Variants in EEF1AKMT1 observed in about 807,000 individuals in gnomAD.
EEF1AKMT1 encodes N-6 adenine-specific DNA methyltransferase 2 (putative).
EEF1AKMT1 carries 18 observed loss-of-function variants against 21.0 expected under a neutral mutation model. The ratio of observed to expected loss-of-function variants is 0.86; its 90% CI spans 0.59 to 1.27. The LOEUF (loss-of-function observed/expected upper bound fraction) is 1.27, where lower values mean the gene tolerates loss of function less well. Ranked by LOEUF, EEF1AKMT1 falls within the 50% of genes most tolerant of loss-of-function variation. The pLI is 0.00. For missense variants in EEF1AKMT1, 246 were observed against 258.6 expected, an observed-to-expected ratio of 0.95 and a Z score of 0.33; for synonymous variants, 109 against 94.8, an observed-to-expected ratio of 1.15 and a Z score of -0.87.
chr13:20,731,115 A>T (rs112371309), intron 4 of EEF1AKMT1, among the ~76,000 whole-genome samples: 5,621 of 152,286 alleles, frequency 0.037, 370 homozygotes, highest in African/African-American at 0.13. Context: ...GAAGGAAGAA[A>T]CTGCAGACAC....
intron 2 of EEF1AKMT1, among the ~76,000 whole-genome samples, chr13:20,749,125 G>C (rs1456232457): frequency 2.6e-5 from 4 of 152,152 alleles, no homozygotes; most frequent in African/African-American, 9.7e-5. Context: ...TTTCCTTTCA[G>C]TAGAATTCCT....
intron 2 of EEF1AKMT1, among the ~76,000 whole-genome samples, chr13:20,741,456 C>CTTTTTTT (rs562645355): frequency 8.9e-6 from 1 of 112,206 alleles, no homozygotes; most frequent in African/African-American, 3.4e-5. Flanking sequence ...ATTGTAATTA[C>CTTTTTTT]TTTTTTTTTT....
intron 3 of EEF1AKMT1, among the ~76,000 whole-genome samples, chr13:20,732,323 A>G (rs1297567890): frequency 6.6e-6 from 1 of 152,164 alleles, no homozygotes; most frequent in Non-Finnish European, 1.5e-5. Context: ...AAAAGTCTGT[A>G]ACTTATAATT....
chr13:20,731,817 T>C, intron 4 of EEF1AKMT1, 24 bp downstream of exon 4: 1 of 1,590,198 alleles, frequency 6.3e-7, no homozygotes, highest in African/African-American at 1.3e-5. Context: ...GTGACTTTGA[T>C]GAGATATGAA....
chr13:20,772,239 T>A (rs1467471567), intron 1 of EEF1AKMT1, among the ~76,000 whole-genome samples: 2 of 151,984 alleles, frequency 1.3e-5, no homozygotes, highest in South Asian at 2.1e-4. Flanking sequence ...GTAAAAAAAA[T>A]TTTTTTCTTT....
intron 3 of EEF1AKMT1, among the ~76,000 whole-genome samples, chr13:20,732,450 C>T (rs1032704359): frequency 4.6e-5 from 7 of 152,124 alleles, no homozygotes. Flanking sequence ...TCCTGCTATT[C>T]CTCCCAAGTA....
chr13:20,757,692 T>C, intron 1 of EEF1AKMT1, 75 bp from the exon 2 acceptor site: 1 of 1,212,280 alleles, frequency 8.2e-7, no homozygotes, highest in Non-Finnish European at 1.1e-6. Context: ...TTAAAAATTT[T>C]TATTTAACAG....
chr13:20,729,719 G>C (rs2058781145), intron 4 of EEF1AKMT1, among the ~76,000 whole-genome samples: 1 of 152,112 alleles, frequency 6.6e-6, no homozygotes, highest in Non-Finnish European at 1.5e-5. Flanking sequence ...CCCCACAGGA[G>C]GTGGCATCCA....
chr13:20,770,034 G>A (rs1011979224), intron 1 of EEF1AKMT1, among the ~76,000 whole-genome samples: 1 of 152,118 alleles, frequency 6.6e-6, no homozygotes, highest in African/African-American at 2.4e-5. Flanking sequence ...ACTAACTAGA[G>A]GAATTAAAAG....
At chr13:20,751,947 G>C (rs1296704458) in intron 2 of EEF1AKMT1, among the ~76,000 whole-genome samples, 1 of 151,994 alleles carries the variant, frequency 6.6e-6, no homozygotes, top group East Asian at 1.9e-4. Context: ...TTCTCAGCTA[G>C]TTCATTACTG....
At chr13:20,773,248 C>A (rs1366130354) in intron 1 of EEF1AKMT1, among the ~76,000 whole-genome samples, 1 of 152,236 alleles carries the variant, frequency 6.6e-6, no homozygotes, top group Non-Finnish European at 1.5e-5. Context: ...GATGTACGCC[C>A]CATGTAACCA....
At chr13:20,738,095 A>AC (rs1322727240) in intron 2 of EEF1AKMT1, among the ~76,000 whole-genome samples, 1 of 152,216 alleles carries the variant, frequency 6.6e-6, no homozygotes, top group Non-Finnish European at 1.5e-5. Flanking sequence ...GATAGAACAT[A>AC]CCCCTACCTT....
chr13:20,770,592 G>A (rs1311588312), intron 1 of EEF1AKMT1, among the ~76,000 whole-genome samples: 1 of 152,154 alleles, frequency 6.6e-6, no homozygotes, highest in Non-Finnish European at 1.5e-5. Context: ...TGTGCATGCT[G>A]AACTGAGAAA....
intron 1 of EEF1AKMT1, among the ~76,000 whole-genome samples, chr13:20,771,710 A>C (rs367926717): frequency 6.6e-6 from 1 of 152,236 alleles, no homozygotes; most frequent in African/African-American, 2.4e-5. Flanking sequence ...CAAGATAAAC[A>C]TCAAAGATTA....
Position 20,748,715 on chromosome 13 carries a change from G to GGTTTGTTTTTTTTT in EEF1AKMT1, c.144+8739_144+8740insAAAAAAAAACAAAC, listed in dbSNP as rs1555326495. ...TTCTTCACCCTCCTAATGTATAGTT[G>GGTTTGTTTTTTTTT]TTTTTTTTTGGTTTTTTTTTTTTTT... On this transcript the variant is annotated intron_variant, in intron 2 of 4. Transcript: ENST00000382758. Among the ~76,000 whole-genome samples, 22 of 105,844 alleles carry GGTTTGTTTTTTTTT rather than the reference G, an allele frequency of 2.1e-4. 1 individual carries two copies. Among genetic ancestry groups the GGTTTGTTTTTTTTT allele is most frequent in the African/African-American group, 7.7e-4 (21 of 27,180 alleles). The allele number at this position is 105,844 out of a possible 152,430, so 69.4% of individuals were successfully genotyped here.
chr13:20,740,727 T>G (rs60138702), intron 2 of EEF1AKMT1, among the ~76,000 whole-genome samples: 17 of 152,150 alleles, frequency 1.1e-4, no homozygotes, highest in African/African-American at 3.6e-4. Context: ...CGCTTGAACC[T>G]GGGAGGCGGA....
chr13:20,729,182 A>T lies in EEF1AKMT1; in HGVS notation c.543T>A (p.Leu181=), dbSNP rs1315968112. 5.0e-6 allele frequency: 8 copies of T among 1,614,074 alleles called. No individual in the cohort carries two copies. The highest frequency in any genetic ancestry group is 6.8e-6 in the Non-Finnish European group (8 of 1,180,056). The change falls in exon 5 of 5, where the codon CTT becomes CTA. Residue 181 remains leucine (L), a synonymous_variant. Transcript: ENST00000382758. ...AIMEEQAAEL[L]GVKMCTFVPR... is the part of the protein sequence containing the mutation. ...GAACAAACGTGCACATCTTCACTCCAAGGAGTTCTGCTGCCTGTTCTTCCA... is the reference window on the plus strand; with the variant it reads ...GAACAAACGTGCACATCTTCACTCCTAGGAGTTCTGCTGCCTGTTCTTCCA...
intron 1 of EEF1AKMT1, among the ~76,000 whole-genome samples, chr13:20,772,760 TAA>T (rs1463932512): frequency 2.0e-5 from 3 of 152,198 alleles, no homozygotes; most frequent in African/African-American, 7.2e-5. Context: ...GCTTGCAGCA[TAA>T]GCAGGGATTA....
chr13:20,757,362 C>A (rs2058976785), intron 2 of EEF1AKMT1, 93 bp downstream of exon 2: 1 of 1,434,584 alleles, frequency 7.0e-7, no homozygotes. Context: ...GACAGAGATT[C>A]CGGTTTTAGG....
Sources: gnomAD v4.1 joint callset for allele counts (sites outside exome capture counted in the v4.1 genomes callset) on GRCh38, gnomAD v4.1.1 for gene constraint, MANE v1.5 for transcripts, NCBI Gene and HGNC (gene_info 2026-07-23, HGNC 2026-07-21) for gene names.